Variants in UNC13C observed in about 807,000 individuals in gnomAD.
UNC13C encodes the protein protein unc-13 homolog C.
In UNC13C, 174 loss-of-function variants were observed where a neutral mutation model predicts 245.4. The observed-to-expected ratio is 0.71, with a 90% CI of 0.63 to 0.80. UNC13C has a LOEUF of 0.80. Among genes scored for constraint, UNC13C ranks in the 30% least tolerant of loss-of-function variants. UNC13C has a pLI of 0.00. For synonymous variants in UNC13C, 992 were observed against 895.1 expected (o/e 1.11, Z -1.93); for missense variants, 2,829 against 2,602.9 (o/e 1.09, Z -1.89).
intron 12 of UNC13C, 75 bp downstream of exon 12, chr15:54,298,001 G>T (rs1453977013): frequency 7.4e-6 from 8 of 1,085,616 alleles, no homozygotes; most frequent in Non-Finnish European, 9.4e-6. Context: ...AGAATATTTG[G>T]TTTAAAAATC....
At chr15:53,989,225 A>G (rs140052385) in intron 1 of UNC13C, among the ~76,000 whole-genome samples, 1,594 of 152,008 alleles carry the variant, frequency 0.01, 7 homozygotes, top group Admixed American at 0.025. Context: ...TCTCATCTAG[A>G]CACTGTATCT....
chr15:54,135,702 A>C (rs2141223340), intron 2 of UNC13C, among the ~76,000 whole-genome samples: 1 of 152,270 alleles, frequency 6.6e-6, no homozygotes, highest in South Asian at 2.1e-4. Context: ...AATTACTATA[A>C]CCTTGTAATA....
At chr15:54,308,239 A>G (rs1305062008) in intron 13 of UNC13C, among the ~76,000 whole-genome samples, 1 of 151,956 alleles carries the variant, frequency 6.6e-6, no homozygotes, top group Non-Finnish European at 1.5e-5. Context: ...ATAGCAAGTG[A>G]CATTAACCCA....
chr15:53,916,207 C>T, the UNC13C span, among the ~76,000 whole-genome samples: 2 of 152,114 alleles, frequency 1.3e-5, no homozygotes, highest in African/African-American at 2.4e-5. Context: ...ATTAGCTATA[C>T]CTAAACTTGA....
At chr15:54,276,544 T>C (rs1255345828) in intron 10 of UNC13C, among the ~76,000 whole-genome samples, 1 of 152,142 alleles carries the variant, frequency 6.6e-6, no homozygotes, top group Admixed American at 6.5e-5. Context: ...TACAGTATCA[T>C]GTGCATTTAC....
intron 14 of UNC13C, among the ~76,000 whole-genome samples, chr15:54,328,872 A>T (rs934287606): frequency 6.6e-6 from 1 of 152,248 alleles, no homozygotes; most frequent in Admixed American, 6.5e-5. Flanking sequence ...AACTATCTAA[A>T]ATTCAAATTT....
At chr15:54,004,600 T>C (rs1483826855) in intron 1 of UNC13C, among the ~76,000 whole-genome samples, 1 of 152,238 alleles carries the variant, frequency 6.6e-6, no homozygotes, top group African/African-American at 2.4e-5. Context: ...TTCTCCATAG[T>C]GGTTGTAGTA....
At chr15:54,417,572 T>C (rs77490584) in intron 19 of UNC13C, among the ~76,000 whole-genome samples, 8,000 of 152,224 alleles carry the variant, frequency 0.053, 307 homozygotes, top group Admixed American at 0.13. Context: ...TCTGCATAAC[T>C]GTATTTTCCA....
chr15:54,379,346 A>T (rs539912689), intron 17 of UNC13C, among the ~76,000 whole-genome samples: 12 of 152,142 alleles, frequency 7.9e-5, no homozygotes, highest in Non-Finnish European at 1.8e-4. Flanking sequence ...AAGGTGAAAG[A>T]TACATCTTTC....
chr15:54,008,257 G>A (rs890138874), intron 1 of UNC13C, among the ~76,000 whole-genome samples: 9 of 152,098 alleles, frequency 5.9e-5, no homozygotes, highest in Non-Finnish European at 7.4e-5. Flanking sequence ...TCTGGGGTTC[G>A]GAGTCAAGGC....
At chr15:54,474,558 T>G (rs1892625787) in intron 19 of UNC13C, among the ~76,000 whole-genome samples, 1 of 152,096 alleles carries the variant, frequency 6.6e-6, no homozygotes, top group African/African-American at 2.4e-5. Context: ...GCTGTTTACT[T>G]GTTTGAGTTC....
intron 19 of UNC13C, among the ~76,000 whole-genome samples, chr15:54,490,727 A>C (rs897693257): frequency 6.6e-6 from 1 of 152,086 alleles, no homozygotes; most frequent in Admixed American, 6.6e-5. Flanking sequence ...AATATTTAAA[A>C]ACATGAGTAG....
chr15:54,336,055 G>T (rs953767307), intron 16 of UNC13C, among the ~76,000 whole-genome samples: 1 of 151,742 alleles, frequency 6.6e-6, no homozygotes, highest in Non-Finnish European at 1.5e-5. Context: ...ATTTTGGAGG[G>T]GTTGATTTTC....
chr15:53,919,600 T>C, the UNC13C span, among the ~76,000 whole-genome samples: 6 of 152,202 alleles, frequency 3.9e-5, no homozygotes, highest in Non-Finnish European at 8.8e-5. Context: ...CGCTGTAATA[T>C]TCCAAGGAGC....
At chr15:54,053,722 C>T (rs1897372967) in intron 2 of UNC13C, among the ~76,000 whole-genome samples, 1 of 152,042 alleles carries the variant, frequency 6.6e-6, no homozygotes, top group African/African-American at 2.4e-5. Context: ...CTATCAAATA[C>T]TAGATCTTAT....
At position 54,532,029 on chromosome 15, in the gene UNC13C, A is replaced by C. The variant is rs60616953; in HGVS notation, c.5547-888A>C. Among the ~76,000 whole-genome samples, 492 of 152,092 alleles carry C rather than the reference A, an allele frequency of 3.2e-3. 2 individuals carry two copies. Among genetic ancestry groups the C allele is most frequent in the African/African-American group, 0.011 (473 of 41,468 alleles). On this transcript the variant is annotated intron_variant, in intron 25 of 32. Transcript: ENST00000260323. ...TGGCAGTACTTCATTTTTCTTGTAAATTTATGTTATGTTCAGGGGTATATG... is the reference window on the plus strand; with the variant it reads ...TGGCAGTACTTCATTTTTCTTGTAACTTTATGTTATGTTCAGGGGTATATG...
intron 19 of UNC13C, among the ~76,000 whole-genome samples, chr15:54,446,825 ATGTTGAATAGGAG>A: frequency 6.6e-6 from 1 of 152,222 alleles, no homozygotes; most frequent in South Asian, 2.1e-4. Flanking sequence ...TTCCAACACT[ATGTTGAATAGGAG>A]TGGTGAGAGA....
At chr15:54,329,641 A>G (rs886837646) in intron 14 of UNC13C, among the ~76,000 whole-genome samples, 1 of 152,090 alleles carries the variant, frequency 6.6e-6, no homozygotes, top group African/African-American at 2.4e-5. Flanking sequence ...TGTTGTAAAT[A>G]AAATTAAAGT....
At chr15:53,942,043 C>G in the UNC13C span, among the ~76,000 whole-genome samples, 1 of 152,130 alleles carries the variant, frequency 6.6e-6, no homozygotes, top group Non-Finnish European at 1.5e-5. Context: ...ACCCAGCAAT[C>G]CCGTTACTGG....
Sources: gnomAD v4.1 joint callset for allele counts (sites outside exome capture counted in the v4.1 genomes callset) on GRCh38, gnomAD v4.1.1 for gene constraint, MANE v1.5 for transcripts, NCBI Gene and HGNC (gene_info 2026-07-23, HGNC 2026-07-21) for gene names.